ANKRD30B: variants seen among roughly 807,000 people sequenced by gnomAD.
ANKRD30B encodes ankyrin repeat domain 30B.
In ANKRD30B, 144 loss-of-function variants were observed where a neutral mutation model predicts 202.2. That is an observed-to-expected ratio of 0.71 (90% CI 0.62 to 0.82). ANKRD30B has a LOEUF of 0.82. Ranked by LOEUF, ANKRD30B falls within the 40% of genes least tolerant of loss-of-function variation. The pLI, the probability that ANKRD30B is intolerant of heterozygous loss-of-function variation, is 0.00. For missense variants in ANKRD30B, 1,487 were observed against 1,669.1 expected (o/e 0.89, Z 1.90); for synonymous variants, 508 against 561.3 (o/e 0.91, Z 1.34).
At chr18:14,860,077 CA>C in the ANKRD30B span, among the ~76,000 whole-genome samples, 2 of 129,532 alleles carry the variant, frequency 1.5e-5, no homozygotes, top group Non-Finnish European at 3.3e-5. Flanking sequence ...ACCTCCCAGA[CA>C]ATGGGCGGCC....
chr18:14,936,918 G>C, the ANKRD30B span, among the ~76,000 whole-genome samples: 1 of 152,214 alleles, frequency 6.6e-6, no homozygotes, highest in Non-Finnish European at 1.5e-5. Flanking sequence ...GCATTCAGAG[G>C]ACATGTTTTC....
the ANKRD30B span, among the ~76,000 whole-genome samples, chr18:14,922,669 AAAG>A: frequency 6.6e-6 from 1 of 150,566 alleles, no homozygotes; most frequent in African/African-American, 2.5e-5. Flanking sequence ...AAAAAAAAAA[AAAG>A]AAAAGAAAAG....
chr18:14,882,003 G>T, the ANKRD30B span, among the ~76,000 whole-genome samples: 1 of 151,850 alleles, frequency 6.6e-6, no homozygotes, highest in Non-Finnish European at 1.5e-5. Context: ...TTCTTTTCTT[G>T]GTTAATCTTG....
the ANKRD30B span, among the ~76,000 whole-genome samples, chr18:14,884,352 C>T: frequency 1.3e-5 from 2 of 152,082 alleles, no homozygotes; most frequent in African/African-American, 2.4e-5. Flanking sequence ...CCTGGCTACA[C>T]CTTGATTGCA....
intron 9 of ANKRD30B, among the ~76,000 whole-genome samples, chr18:14,774,116 A>G (rs561297010): frequency 1.5e-3 from 230 of 152,278 alleles, no homozygotes; most frequent in African/African-American, 5.3e-3. Flanking sequence ...GCTGAAGACC[A>G]TGTTTAACTA....
intron 8 of ANKRD30B, among the ~76,000 whole-genome samples, chr18:14,770,231 T>C (rs549892601): frequency 8.5e-5 from 13 of 152,278 alleles, no homozygotes; most frequent in African/African-American, 2.6e-4. Context: ...ACCATTTTTC[T>C]ATAGCTAAAA....
chr18:14,767,073 G>T (rs1213087609), intron 7 of ANKRD30B, among the ~76,000 whole-genome samples: 2 of 152,160 alleles, frequency 1.3e-5, no homozygotes, highest in African/African-American at 4.8e-5. Flanking sequence ...CATACCCAGG[G>T]TCTGGAAAAT....
chr18:14,795,600 T>A (rs1254058564), intron 16 of ANKRD30B, among the ~76,000 whole-genome samples: 1 of 152,214 alleles, frequency 6.6e-6, no homozygotes, highest in African/African-American at 2.4e-5. Flanking sequence ...AAAATACTCC[T>A]ATTTCACAGA....
chr18:14,874,636 T>C, the ANKRD30B span, among the ~76,000 whole-genome samples: 1 of 152,084 alleles, frequency 6.6e-6, no homozygotes, highest in African/African-American at 2.4e-5. Flanking sequence ...AGGGAATAGA[T>C]GAAAGTGGTT....
intron 12 of ANKRD30B, among the ~76,000 whole-genome samples, chr18:14,783,627 G>A (rs1283954866): frequency 1.3e-5 from 2 of 151,906 alleles, no homozygotes; most frequent in Non-Finnish European, 2.9e-5. Flanking sequence ...AAATATTGTG[G>A]TGACTTAACA....
At chr18:14,799,051 G>A (rs774459954) in intron 20 of ANKRD30B, 50 bp from the exon 21 acceptor site, 1 of 1,475,738 alleles carries the variant, frequency 6.8e-7, no homozygotes, top group Non-Finnish European at 9.5e-7. Flanking sequence ...CGTTTGGTAG[G>A]CTTTGTCAAG....
intron 12 of ANKRD30B, among the ~76,000 whole-genome samples, chr18:14,783,176 T>C (rs1967866162): frequency 6.6e-6 from 1 of 152,136 alleles, no homozygotes; most frequent in Non-Finnish European, 1.5e-5. Context: ...TTAACAAAAA[T>C]GCATAGGTGT....
intron 32 of ANKRD30B, among the ~76,000 whole-genome samples, chr18:14,826,673 TCCCC>T (rs751436169): frequency 2.2e-4 from 26 of 120,138 alleles, no homozygotes; most frequent in African/African-American, 8.7e-4. Context: ...TCTCTCTCTC[TCCCC>T]CTCTCTCTCT....
chr18:14,847,092 A>ATG (rs1555672681), intron 39 of ANKRD30B, among the ~76,000 whole-genome samples: 15 of 98,664 alleles, frequency 1.5e-4, no homozygotes, highest in Non-Finnish European at 2.8e-4. Flanking sequence ...ATATATATAT[A>ATG]TGTATAATGT....
At chr18:14,843,727 G>A (rs1328424299) in intron 39 of ANKRD30B, among the ~76,000 whole-genome samples, 1 of 152,170 alleles carries the variant, frequency 6.6e-6, no homozygotes, top group Non-Finnish European at 1.5e-5. Flanking sequence ...CCTGGAGGCG[G>A]AGCTTGCAGT....
chr18:14,752,040 A>G (rs1913533992), intron 1 of ANKRD30B, among the ~76,000 whole-genome samples: 1 of 152,240 alleles, frequency 6.6e-6, no homozygotes, highest in Non-Finnish European at 1.5e-5. Flanking sequence ...TCATTAAAAT[A>G]CTGTGTTATC....
intron 24 of ANKRD30B, among the ~76,000 whole-genome samples, chr18:14,805,136 T>C (rs1400436630): frequency 6.6e-6 from 1 of 150,724 alleles, no homozygotes; most frequent in Non-Finnish European, 1.5e-5. Context: ...GTAAGAACCT[T>C]GGCTTTATTT....
chr18:14,896,194 T>C, the ANKRD30B span, among the ~76,000 whole-genome samples: 1 of 151,700 alleles, frequency 6.6e-6, no homozygotes, highest in Non-Finnish European at 1.5e-5. Context: ...TGCAGTGGCG[T>C]GATCTCGGTT....
chr18:14,814,768 G>C (rs1452442731), intron 30 of ANKRD30B, 57 bp downstream of exon 30: 2 of 663,742 alleles, frequency 3.0e-6, no homozygotes, highest in Non-Finnish European at 4.2e-6. Flanking sequence ...CTGAACTGAT[G>C]AGGAGGGATA....
Sources: allele counts gnomAD v4.1 joint callset (sites outside exome capture counted in the v4.1 genomes callset), GRCh38; gene constraint gnomAD v4.1.1; transcripts MANE v1.5; gene names NCBI Gene and HGNC (gene_info 2026-07-23, HGNC 2026-07-21).